Variants in OXR1 observed in about 807,000 individuals in gnomAD.
The protein encoded by OXR1 is oxidation resistance protein 1.
OXR1 carries 41 observed loss-of-function variants against 104.6 expected under a neutral mutation model. That is an observed-to-expected ratio of 0.39 (90% CI 0.31 to 0.51). The LOEUF is 0.51. Ranked by LOEUF, OXR1 falls within the 20% of genes least tolerant of loss-of-function variation. The pLI, the probability that OXR1 is intolerant of heterozygous loss-of-function variation, is 0.77. For missense variants in OXR1, 955 were observed against 1,031.9 expected (o/e 0.93, Z 1.02); for synonymous variants, 348 against 348.4 (o/e 1.00, Z 0.01).
chr8:106,488,122 G>A (rs1350562101), intron 2 of OXR1, among the ~76,000 whole-genome samples: 3 of 146,228 alleles, frequency 2.1e-5, no homozygotes, highest in Non-Finnish European at 4.5e-5. Flanking sequence ...ATTCTAACTG[G>A]TGTGAGATGG....
At chr8:106,441,858 G>T (rs1288298847) in intron 2 of OXR1, among the ~76,000 whole-genome samples, 1 of 152,150 alleles carries the variant, frequency 6.6e-6, no homozygotes, top group African/African-American at 2.4e-5. Context: ...CATGTCGTCT[G>T]CAAACAGTAA....
At position 106,328,791 on chromosome 8, in the gene OXR1, C is replaced by T. The variant is rs972516065; in HGVS notation, c.-138-30685C>T. On this transcript the variant is annotated intron_variant, in intron 1 of 16. Transcript: ENST00000517566. ...ACACATTTAATGAGTCTCAGAGATACATCAAGAGCATATTTCTTATTCCAG... is the reference window on the plus strand; with the variant it reads ...ACACATTTAATGAGTCTCAGAGATATATCAAGAGCATATTTCTTATTCCAG... Among the ~76,000 whole-genome samples the T allele has an allele frequency of 2.0e-5, 3 of 152,318 alleles. No individual in the cohort carries two copies. In the Middle Eastern group the frequency reaches 0.01, roughly 518 times the overall value.
chr8:106,709,809 T>C (rs1004494469), intron 9 of OXR1, among the ~76,000 whole-genome samples: 1 of 152,144 alleles, frequency 6.6e-6, no homozygotes, highest in African/African-American at 2.4e-5. Context: ...AATAAAATTA[T>C]GTAATAAATA....
intron 1 of OXR1, among the ~76,000 whole-genome samples, chr8:106,293,908 T>C (rs1812863112): frequency 6.6e-6 from 1 of 151,444 alleles, no homozygotes; most frequent in South Asian, 2.1e-4. Context: ...AAATGAATTT[T>C]GGGGGACACA....
chr8:106,604,454 GTAT>G (rs992483906), intron 3 of OXR1, among the ~76,000 whole-genome samples: 1 of 152,096 alleles, frequency 6.6e-6, no homozygotes, highest in Non-Finnish European at 1.5e-5. Flanking sequence ...CCCGTATACA[GTAT>G]TATTGATATC....
chr8:106,348,140 A>G (rs375002912), intron 1 of OXR1, among the ~76,000 whole-genome samples: 1 of 152,310 alleles, frequency 6.6e-6, no homozygotes, highest in East Asian at 1.9e-4. Context: ...ACATAAGGTC[A>G]TGGATGCATT....
intron 2 of OXR1, among the ~76,000 whole-genome samples, chr8:106,435,672 G>A (rs574444809): frequency 1.3e-5 from 2 of 152,238 alleles, no homozygotes; most frequent in East Asian, 3.9e-4. Flanking sequence ...ACGTTTTGAC[G>A]TGAAATAAGA....
chr8:106,531,746 AGT>A (rs1301018647), intron 3 of OXR1, among the ~76,000 whole-genome samples: 1 of 152,196 alleles, frequency 6.6e-6, no homozygotes, highest in African/African-American at 2.4e-5. Flanking sequence ...ATTTACTCTA[AGT>A]AAAGAAAAAA....
chr8:106,439,744 T>G (rs1357142678), intron 2 of OXR1, among the ~76,000 whole-genome samples: 1 of 152,114 alleles, frequency 6.6e-6, no homozygotes, highest in Non-Finnish European at 1.5e-5. Context: ...TTCTTACTAC[T>G]GAATCCTTAA....
intron 3 of OXR1, among the ~76,000 whole-genome samples, chr8:106,651,934 C>T (rs185447194): frequency 2.0e-3 from 304 of 152,124 alleles, no homozygotes; most frequent in African/African-American, 6.9e-3. Flanking sequence ...TAACTTCTTT[C>T]AATTATGTTT....
chr8:106,358,766 G>T (rs1255056292), intron 1 of OXR1, among the ~76,000 whole-genome samples: 7 of 151,454 alleles, frequency 4.6e-5, no homozygotes, highest in Non-Finnish European at 7.4e-5. Context: ...ATAACACCCT[G>T]GCTTATCTCC....
At chr8:106,293,186 A>T (rs1812828489) in intron 1 of OXR1, among the ~76,000 whole-genome samples, 1 of 152,210 alleles carries the variant, frequency 6.6e-6, no homozygotes, top group African/African-American at 2.4e-5. Flanking sequence ...TTCATCTGAA[A>T]TTTTGCTATC....
chr8:106,374,256 T>C (rs1381970764), intron 2 of OXR1, among the ~76,000 whole-genome samples: 1 of 152,208 alleles, frequency 6.6e-6, no homozygotes, highest in Non-Finnish European at 1.5e-5. Context: ...AAATACACCA[T>C]AGTGTTATAA....
intron 2 of OXR1, among the ~76,000 whole-genome samples, chr8:106,487,659 G>A (rs1810777133): frequency 6.7e-6 from 1 of 148,888 alleles, no homozygotes; most frequent in African/African-American, 2.5e-5. Context: ...ACCTATGAGT[G>A]AGAATATGCG....
At chr8:106,581,458 A>G (rs1301741808) in intron 3 of OXR1, among the ~76,000 whole-genome samples, 2 of 152,114 alleles carry the variant, frequency 1.3e-5, no homozygotes, top group Non-Finnish European at 2.9e-5. Flanking sequence ...TGACTTTGAG[A>G]AAAGAATATG....
At chr8:106,409,167 A>C (rs1403482598) in intron 2 of OXR1, among the ~76,000 whole-genome samples, 2 of 152,088 alleles carry the variant, frequency 1.3e-5, no homozygotes, top group Non-Finnish European at 2.9e-5. Context: ...GATTCCCCAC[A>C]CATGACTTAG....
At chr8:106,546,515 G>A (rs775072767) in intron 3 of OXR1, among the ~76,000 whole-genome samples, 4 of 152,196 alleles carry the variant, frequency 2.6e-5, no homozygotes, top group Admixed American at 6.5e-5. Flanking sequence ...AGAGAGGTCT[G>A]TACTTTTCTC....
intron 7 of OXR1, chr8:106,697,446 C>G: frequency 6.4e-7 from 1 of 1,553,584 alleles, no homozygotes; most frequent in Non-Finnish European, 8.9e-7. Flanking sequence ...GTGTGGCATC[C>G]AGTAGCCAGT....
At chr8:106,373,915 T>G (rs1229975686) in intron 2 of OXR1, among the ~76,000 whole-genome samples, 3 of 152,230 alleles carry the variant, frequency 2.0e-5, no homozygotes, top group African/African-American at 7.2e-5. Context: ...AAAATCAGAA[T>G]GTAAAATCAA....
Sources: gnomAD v4.1 joint callset for allele counts (sites outside exome capture counted in the v4.1 genomes callset) on GRCh38, gnomAD v4.1.1 for gene constraint, MANE v1.5 for transcripts, NCBI Gene and HGNC (gene_info 2026-07-23, HGNC 2026-07-21) for gene names.